The following IGFBP5 variants were observed in gnomAD, a reference collection of about 807,000 sequenced individuals.
The protein encoded by IGFBP5 is insulin-like growth factor-binding protein 5.
Under a neutral mutation model 28.0 loss-of-function variants are expected in IGFBP5, and 12 were observed. That is an observed-to-expected ratio of 0.43 (90% CI 0.27 to 0.69). The LOEUF is 0.69. Among genes scored for constraint, IGFBP5 ranks in the 30% least tolerant of loss-of-function variants. The pLI, the probability that IGFBP5 is intolerant of heterozygous loss-of-function variation, is 0.20. For missense variants in IGFBP5, 344 were observed against 381.6 expected, an observed-to-expected ratio of 0.90 and a Z score of 0.82; for synonymous variants, 152 against 150.2, an observed-to-expected ratio of 1.01 and a Z score of -0.09.
At position 216,678,179 on chromosome 2, in the gene IGFBP5, G is replaced by A; in HGVS notation, c.620C>T (p.Pro207Leu). The change falls in exon 3 of 4, where the codon CCA becomes CTA. Residue 207 changes from proline to leucine, a missense_variant. Pro to Leu is a moderately conservative substitution (Grantham distance 98, BLOSUM62 -3). This residue lies in a region of IGFBP5 where 304 missense variants were observed against 329.2 expected (regional missense o/e 0.92). Coordinates refer to ENST00000233813, the MANE Select transcript of IGFBP5 (RefSeq NM_000599.4). ...EASLQELKAS[P>L]RMVPRAVYLP... ...GTACACAGCACGGGGCACCATGCGT[G>A]GGCTGGCTTTGAGCTCCTGCAGGGA... 6.3e-7 allele frequency: 1 copy of A among 1,595,726 alleles called. No individual in the cohort carries two copies.
At chr2:216,686,069 C>A (rs1310881095) in intron 1 of IGFBP5, among the ~76,000 whole-genome samples, 1 of 151,848 alleles carries the variant, frequency 6.6e-6, no homozygotes, top group Non-Finnish European at 1.5e-5. Context: ...AGGAGGAAGA[C>A]CCCGGAGGGG....
At chr2:216,677,108 C>CT (rs376983056) in intron 3 of IGFBP5, among the ~76,000 whole-genome samples, 155 of 144,688 alleles carry the variant, frequency 1.1e-3, no homozygotes, top group East Asian at 2.2e-3. Flanking sequence ...CCTTTCTTTC[C>CT]TTTTTTTTTT....
chr2:216,677,975 T>C, intron 3 of IGFBP5, 137 bp downstream of exon 3: 4 of 703,698 alleles, frequency 5.7e-6, no homozygotes, highest in African/African-American at 1.8e-5. Context: ...GATCGTGGTA[T>C]ATGAATGGGT....
rs1688838768 is a variant in IGFBP5, at chr2:216,672,302, GTTTTTTTTTTTTTTTTCGGC to G, written c.*4429_*4448del. 2 of 73,956 alleles carry G rather than the reference GTTTTTTTTTTTTTTTTCGGC, an allele frequency of 2.7e-5. No individual in the cohort carries two copies. Among genetic ancestry groups the G allele is most frequent in the Non-Finnish European group, 6.0e-5 (2 of 33,368 alleles). The allele number at this position is 73,956 out of a possible 1,614,324, so 4.6% of individuals were successfully genotyped here. On this transcript the variant is annotated 3_prime_UTR_variant, in exon 4 of 4. Coordinates refer to ENST00000233813, the MANE Select transcript of IGFBP5 (RefSeq NM_000599.4). ...GAGCCGAGCTCTTCCGCATTCAGGT[GTTTTTTTTTTTTTTTTCGGC>G]TTTTTTTTTTTTTTCTCACAAACTG... is the stretch of plus-strand genomic sequence containing the variant.
In IGFBP5 at chr2:216,683,945, G is replaced by A. The variant is rs547334058; in HGVS notation, c.338-4866C>T. ...CTCAGTCCTCTTTCATTCATAAGGA[G>A]TTCCCCATACACCCCAGTGCAGCAG... is the stretch of plus-strand genomic sequence containing the variant. On this transcript the variant is annotated intron_variant, in intron 1 of 3. Transcript: ENST00000233813. Among the ~76,000 whole-genome samples the A allele has an allele frequency of 1.9e-3, 283 of 152,234 alleles. 1 individual carries two copies. The highest frequency in any genetic ancestry group is 2.8e-3 in the Non-Finnish European group (193 of 68,022).
At chr2:216,682,370 A>G (rs1353894048) in intron 1 of IGFBP5, among the ~76,000 whole-genome samples, 3 of 152,224 alleles carry the variant, frequency 2.0e-5, no homozygotes, top group African/African-American at 7.2e-5. Flanking sequence ...GAGTGCCAGA[A>G]GCAGCCAGCC....
chr2:216,687,888 C>A (rs1689050124), intron 1 of IGFBP5, among the ~76,000 whole-genome samples: 1 of 152,148 alleles, frequency 6.6e-6, no homozygotes, highest in South Asian at 2.1e-4. Context: ...TCTCCTGAGG[C>A]CCCGAAGAAG....
Position 216,672,566 on chromosome 2 carries a change from C to T in IGFBP5, c.*4185G>A, listed in dbSNP as rs535836814. ...CAACAACAACAACAACGAAAACAACCGGTAGGCAACTCGGAATCTGAAGGA... is the reference window on the plus strand; with the variant it reads ...CAACAACAACAACAACGAAAACAACTGGTAGGCAACTCGGAATCTGAAGGA... On this transcript the variant is annotated 3_prime_UTR_variant, in exon 4 of 4. Transcript: ENST00000233813. 72 of 152,574 alleles carry T rather than the reference C, an allele frequency of 4.7e-4. No individual in the cohort carries two copies. The highest frequency in any genetic ancestry group is 1.6e-4 in the Non-Finnish European group (11 of 67,992). The allele number at this position is 152,574 out of a possible 1,614,324, so 9.5% of individuals were successfully genotyped here.
At chr2:216,682,935 C>G (rs2106220451) in intron 1 of IGFBP5, among the ~76,000 whole-genome samples, 1 of 152,132 alleles carries the variant, frequency 6.6e-6, no homozygotes, top group Non-Finnish European at 1.5e-5. Context: ...GTCTCGATCT[C>G]CTGACCTCGT....
Position 216,674,490 on chromosome 2 carries a change from T to G in IGFBP5, c.*2261A>C, listed in dbSNP as rs1236875930. 1 of 152,364 alleles carries G rather than the reference T, an allele frequency of 6.6e-6. No individual in the cohort carries two copies. The highest frequency in any genetic ancestry group is 2.4e-5 in the African/African-American group (1 of 41,442). The allele number at this position is 152,364 out of a possible 1,614,324, so 9.4% of individuals were successfully genotyped here. A position where few individuals can be genotyped will look rare whatever the true frequency, so the allele number is the denominator to read the frequency against. ...AGGGTTCCCATCAGTTGAAACAGAT[T>G]TGCTTTTTCGCTATTCCTCTTCGTA... On this transcript the variant is annotated 3_prime_UTR_variant, in exon 4 of 4. Coordinates refer to ENST00000233813, the MANE Select transcript of IGFBP5 (RefSeq NM_000599.4). This position sits in a 1 kb window ranked among gnomAD's most constrained non-coding sequence, Gnocchi z 4.4.
intron 2 of IGFBP5, 197 bp downstream of exon 2, chr2:216,678,653 C>T (rs1200912343): frequency 1.7e-6 from 1 of 600,808 alleles, no homozygotes; most frequent in Non-Finnish European, 2.9e-6. Context: ...CCTCTATTCC[C>T]ACTTACTTGC....
rs930571753 is a variant in IGFBP5, at chr2:216,694,656, G to T, written c.120C>A (p.Pro40=). 5.4e-5 allele frequency: 82 copies of T among 1,524,516 alleles called. 1 individual carries two copies. The highest frequency in any genetic ancestry group is 7.2e-5 in the Non-Finnish European group (82 of 1,139,380). The allele number at this position is 1,524,516 out of a possible 1,614,324, so 94.4% of individuals were successfully genotyped here. The change falls in exon 1 of 4, where the codon CCC becomes CCA. Residue 40 remains proline (P), a synonymous_variant. Coordinates refer to ENST00000233813, the MANE Select transcript of IGFBP5 (RefSeq NM_000599.4). This position sits in a 1 kb window ranked among gnomAD's most constrained non-coding sequence, Gnocchi z 5.2. The part of the protein sequence containing the change: ...CDEKALSMCP[P]SPLGCELVKE... The stretch of plus-strand genomic sequence containing the variant: ...TGACCAGCTCGCAGCCCAGGGGGCT[G>T]GGGGGGCACATGGAGAGGGCTTTCT...
At chr2:216,678,062 G>C (rs377028522) in intron 3 of IGFBP5, 50 bp downstream of exon 3, 7 of 1,364,964 alleles carry the variant, frequency 5.1e-6, no homozygotes, top group Non-Finnish European at 5.7e-6. Flanking sequence ...TTCCTGGCAG[G>C]TGCCATTTTT....
In IGFBP5 at chr2:216,676,638, T is replaced by C. The variant is rs1688902491; in HGVS notation, c.*113A>G. On this transcript the variant is annotated 3_prime_UTR_variant, in exon 4 of 4. Coordinates refer to ENST00000233813, the MANE Select transcript of IGFBP5 (RefSeq NM_000599.4). ...CAGTTTCCTCAAATAGATAGATATA[T>C]ATTTTTCCCTTAAATGAGATGAAAT... The C allele has an allele frequency of 3.0e-6, 2 of 675,756 alleles. No individual in the cohort carries two copies. Among genetic ancestry groups the C allele is most frequent in the Admixed American group, 2.9e-5 (1 of 34,686 alleles). The allele number at this position is 675,756 out of a possible 1,614,324, so 41.9% of individuals were successfully genotyped here. A position where few individuals can be genotyped will look rare whatever the true frequency, so the allele number is the denominator to read the frequency against.
chr2:216,676,919 G>A (rs371109576), intron 3 of IGFBP5, 37 bp from the exon 4 acceptor site: 15 of 1,606,040 alleles, frequency 9.3e-6, no homozygotes, highest in East Asian at 6.7e-5. Flanking sequence ...GAGGACGGCC[G>A]CACCCCAGGG....
intron 1 of IGFBP5, among the ~76,000 whole-genome samples, chr2:216,691,150 G>GT (rs1334162700): frequency 1.3e-5 from 2 of 152,234 alleles, no homozygotes; most frequent in Non-Finnish European, 2.9e-5. Flanking sequence ...CAGGCTTGGA[G>GT]TTGAAGCCAG....
At position 216,679,735 on chromosome 2, in the gene IGFBP5, G is replaced by T. The variant is rs1688947142; in HGVS notation, c.338-656C>A. Among the ~76,000 whole-genome samples, 1 of 152,144 alleles carries T rather than the reference G, an allele frequency of 6.6e-6. No homozygotes were observed. Among genetic ancestry groups the T allele is most frequent in the Non-Finnish European group, 1.5e-5 (1 of 68,020 alleles). On this transcript the variant is annotated intron_variant, in intron 1 of 3. Coordinates refer to ENST00000233813, the MANE Select transcript of IGFBP5 (RefSeq NM_000599.4). The surrounding 1 kb of genome is among the most constrained non-coding windows in gnomAD (Gnocchi z 4.6). ...GGGGAGGGGAGAGCCAGAAATGTAG[G>T]CCCGGAGGGGACCGGCGTGGGGCCA...
chr2:216,676,684 G>T lies in IGFBP5; in HGVS notation c.*67C>A. On this transcript the variant is annotated 3_prime_UTR_variant, in exon 4 of 4. Coordinates refer to ENST00000233813, the MANE Select transcript of IGFBP5 (RefSeq NM_000599.4). ...GAAATGAGTGGCGTCCTGGGGTGGAGGGAGGCGCTGGCTGGAGTCGGGGCT... is the reference window on the plus strand; with the variant it reads ...GAAATGAGTGGCGTCCTGGGGTGGATGGAGGCGCTGGCTGGAGTCGGGGCT... 1.9e-6 allele frequency: 2 copies of T among 1,040,272 alleles called. No homozygotes were observed. The highest frequency in any genetic ancestry group is 2.9e-6 in the Non-Finnish European group (2 of 693,306). 64.4% of individuals were successfully genotyped at this position (1,040,272 alleles called of 1,614,324 possible). A position where few individuals can be genotyped will look rare whatever the true frequency, so the allele number is the denominator to read the frequency against.
chr2:216,692,763 ACC>A lies in IGFBP5; in HGVS notation c.337+1674_337+1675del, dbSNP rs1322349711. Among the ~76,000 whole-genome samples the A allele has an allele frequency of 2.0e-5, 3 of 151,872 alleles. No individual in the cohort carries two copies. Among genetic ancestry groups the A allele is most frequent in the South Asian group, 2.1e-4 (1 of 4,806 alleles). On this transcript the variant is annotated intron_variant, in intron 1 of 3. Coordinates refer to ENST00000233813, the MANE Select transcript of IGFBP5 (RefSeq NM_000599.4). The surrounding 1 kb of genome is among the most constrained non-coding windows in gnomAD (Gnocchi z 4.2). The stretch of plus-strand genomic sequence containing the variant: ...CCTTTTCCTCTTTTTGCAGGCTGCA[ACC>A]TGCAAAAAGATCGACTTTTTGCAGG...
Sources: allele counts gnomAD v4.1 joint callset (sites outside exome capture counted in the v4.1 genomes callset), GRCh38; gene constraint gnomAD v4.1.1; regional missense constraint gnomAD v4.1.1; non-coding constraint Gnocchi (gnomAD v3.1); transcripts MANE v1.5; gene names NCBI Gene and HGNC (gene_info 2026-07-23, HGNC 2026-07-21).